Variants in IFI16 observed in about 807,000 individuals in gnomAD.
IFI16 encodes the protein interferon gamma inducible protein 16.
A neutral mutation model predicts 68.4 loss-of-function variants in IFI16; 49 were observed. The ratio of observed to expected loss-of-function variants is 0.72; its 90% CI spans 0.57 to 0.91. The LOEUF (loss-of-function observed/expected upper bound fraction) is 0.91. IFI16 is among the 40% of genes least tolerant of loss of function. IFI16 has a pLI of 0.00. For missense variants in IFI16, 878 were observed against 942.9 expected, an observed-to-expected ratio of 0.93 and a Z score of 0.90; for synonymous variants, 307 against 315.0, an observed-to-expected ratio of 0.97 and a Z score of 0.27.
chr1:159,052,297 G>T, intron 10 of IFI16, 199 bp downstream of exon 10: 1 of 565,290 alleles, frequency 1.8e-6, no homozygotes, highest in Non-Finnish European at 3.2e-6. Context: ...TCTTCTTAAG[G>T]TATCATCATG....
intron 6 of IFI16, among the ~76,000 whole-genome samples, chr1:159,024,370 G>A (rs1456025704): frequency 6.6e-6 from 1 of 152,154 alleles, no homozygotes; most frequent in Non-Finnish European, 1.5e-5. Flanking sequence ...GCGACCAAGG[G>A]CAGGTCTAGA....
At chr1:159,046,933 T>C (rs904104898) in intron 8 of IFI16, among the ~76,000 whole-genome samples, 1 of 151,354 alleles carries the variant, frequency 6.6e-6, no homozygotes. Context: ...TAGGAGAAGA[T>C]AACACAGAGG....
chr1:159,015,942 C>T lies in IFI16; in HGVS notation c.336C>T (p.Ser112=), dbSNP rs748873871. 6.2e-7 allele frequency: 1 copy of T among 1,614,118 alleles called. No homozygotes were observed. The highest frequency in any genetic ancestry group is 1.1e-5 in the South Asian group (1 of 91,080). ...VDATSPAPST[S]STVKTEGAEA... ...CTACTTCACCTGCACCCTCCACAAG[C>T]AGCACTGTCAAAACTGAAGGAGCAG... is the stretch of plus-strand genomic sequence containing the variant. Residue 112 remains serine (S), a synonymous_variant, in exon 3 of 12, where the codon AGC becomes AGT. Coordinates refer to ENST00000295809, the MANE Select transcript of IFI16 (RefSeq NM_001376587.1).
chr1:159,049,774 G>A (rs866006529), intron 9 of IFI16, among the ~76,000 whole-genome samples, 175 bp downstream of exon 9: 18 of 152,204 alleles, frequency 1.2e-4, no homozygotes, highest in South Asian at 2.1e-4. Flanking sequence ...TTAAAATTCT[G>A]TTTTTATCAT....
rs750703064 is a variant in IFI16 at position 159,016,537 on chromosome 1, GA to G, written c.393del (p.Lys131AsnfsTer63). 1 of 1,602,994 alleles carries G rather than the reference GA, an allele frequency of 6.2e-7. No individual in the cohort carries two copies. Among genetic ancestry groups the G allele is most frequent in the South Asian group, 1.1e-5 (1 of 89,050 alleles). On this transcript the variant is annotated frameshift_variant, in exon 4 of 12. Transcript: ENST00000295809. LOFTEE classifies it high-confidence loss of function. ...GAEATPGAQK[R>X]KKSTKEKAGP... ...GGAAAATCAAACCACTTTCAGAAAA[GA>G]AAAAAATCAACCAAAGAAAAGGCTG...
chr1:159,035,643 G>A (rs60782895), intron 7 of IFI16, among the ~76,000 whole-genome samples: 25 of 152,308 alleles, frequency 1.6e-4, no homozygotes, highest in African/African-American at 5.5e-4. Flanking sequence ...CTAGTGACTC[G>A]CAGGTGAGTA....
At chr1:159,019,977 G>T (rs2101829252) in intron 5 of IFI16, among the ~76,000 whole-genome samples, 1 of 152,324 alleles carries the variant, frequency 6.6e-6, no homozygotes, top group East Asian at 1.9e-4. Flanking sequence ...TGAATAAATA[G>T]TTGTAGCAGA....
At chr1:159,024,628 A>G (rs528755613) in intron 6 of IFI16, among the ~76,000 whole-genome samples, 5 of 152,342 alleles carry the variant, frequency 3.3e-5, no homozygotes, top group South Asian at 4.1e-4. Flanking sequence ...GATGAGTGCT[A>G]CGGGTAATTG....
intron 7 of IFI16, among the ~76,000 whole-genome samples, chr1:159,034,617 C>T (rs919891007): frequency 2.6e-5 from 4 of 152,190 alleles, no homozygotes; most frequent in African/African-American, 7.2e-5. Context: ...TCTCCAGTCT[C>T]TTCTTGAACC....
chr1:159,053,869 C>A, intron 11 of IFI16, 145 bp downstream of exon 11: 1 of 518,862 alleles, frequency 1.9e-6, no homozygotes, highest in Non-Finnish European at 3.3e-6. Flanking sequence ...AAACTTCCCA[C>A]CATTGTTTTT....
At chr1:159,023,095 C>T (rs929516063) in intron 6 of IFI16, among the ~76,000 whole-genome samples, 27 of 151,606 alleles carry the variant, frequency 1.8e-4, no homozygotes, top group African/African-American at 5.1e-4. Context: ...CAAGAGCAAA[C>T]GAGGTGAGAA....
rs1334873935 is a variant in IFI16 at position 159,052,064 on chromosome 1, G to A, written c.2051G>A (p.Gly684Glu). The change falls in exon 10 of 12, where the codon GGA (glycine) becomes GAA (glutamate). Residue 684 changes from glycine to glutamate, a missense_variant. Physicochemically the swap from Gly to Glu is moderately conservative, Grantham distance 98. Coordinates refer to ENST00000295809, the MANE Select transcript of IFI16 (RefSeq NM_001376587.1). Reference protein sequence around the residue: ...KINQLCSQTKGSFVNGVFEVH... With the variant: ...KINQLCSQTKESFVNGVFEVH... ...AATCAGCTTTGCTCACAAACTAAAG[G>A]AAGTTTTGTGAATGGGGTGTTTGAG... is the stretch of plus-strand genomic sequence containing the variant. 4 of 1,613,070 alleles carry A rather than the reference G, an allele frequency of 2.5e-6. 1 individual carries two copies. The South Asian group carries it at 4.4e-5, about 18-fold the overall frequency.
intron 7 of IFI16, among the ~76,000 whole-genome samples, chr1:159,037,133 G>T (rs906289780): frequency 6.6e-6 from 1 of 152,174 alleles, no homozygotes; most frequent in Non-Finnish European, 1.5e-5. Context: ...AGGACAGTCA[G>T]TTTTCTGACG....
At chr1:159,031,831 C>A (rs1015700133) in intron 6 of IFI16, among the ~76,000 whole-genome samples, 7 of 152,206 alleles carry the variant, frequency 4.6e-5, no homozygotes, top group Admixed American at 6.5e-5. Context: ...ATATAAAACT[C>A]GTGGTAAATA....
chr1:159,008,449 C>G (rs76888415), upstream of IFI16, among the ~76,000 whole-genome samples: 496 of 152,212 alleles, frequency 3.3e-3, 1 homozygote, highest in African/African-American at 0.011. Flanking sequence ...AATTATGGAG[C>G]ATTGTCCTGA....
intron 8 of IFI16, among the ~76,000 whole-genome samples, chr1:159,045,836 A>AC (rs1654948456): frequency 6.6e-6 from 1 of 151,248 alleles, no homozygotes; most frequent in Non-Finnish European, 1.5e-5. Context: ...CTCAAATAAT[A>AC]CCATCTTTAA....
intron 8 of IFI16, among the ~76,000 whole-genome samples, chr1:159,045,666 G>A (rs1449962115): frequency 6.6e-6 from 1 of 151,122 alleles, no homozygotes; most frequent in African/African-American, 2.4e-5. Context: ...TCCATAGCAG[G>A]TATAATTAGA....
chr1:159,020,560 C>T (rs1653247536), intron 6 of IFI16, 31 bp downstream of exon 6: 1 of 1,508,830 alleles, frequency 6.6e-7, no homozygotes, highest in Non-Finnish European at 9.1e-7. Flanking sequence ...TATTAGTTTT[C>T]CAAAGTGGAA....
In IFI16 at chr1:159,048,196, C is replaced by T. The variant is rs192840502; in HGVS notation, c.1498-1236C>T. Among the ~76,000 whole-genome samples the T allele has an allele frequency of 1.8e-3, 272 of 151,348 alleles. 6 individuals are homozygous for T. The highest frequency in any genetic ancestry group is 6.0e-3 in the African/African-American group (249 of 41,378). On this transcript the variant is annotated intron_variant, in intron 8 of 11. Transcript: ENST00000295809. Reference sequence around the variant, plus strand: ...GTTCATCAGAGCAGACACGCAAACCCCTAATAGATCGTGGAAAAATAATAG... The same window carrying T: ...GTTCATCAGAGCAGACACGCAAACCTCTAATAGATCGTGGAAAAATAATAG...
Sources: gnomAD v4.1 joint callset for allele counts (sites outside exome capture counted in the v4.1 genomes callset) on GRCh38, gnomAD v4.1.1 for gene constraint, MANE v1.5 for transcripts, NCBI Gene and HGNC (gene_info 2026-07-23, HGNC 2026-07-21) for gene names.